Variants in MRPL42 observed in about 807,000 individuals in gnomAD.
The protein encoded by MRPL42 is large ribosomal subunit protein mL42.
In MRPL42, 17 loss-of-function variants were observed where a neutral mutation model predicts 17.9. That is an observed-to-expected ratio of 0.95 (90% CI 0.65 to 1.42). The LOEUF is 1.42. Ranked by LOEUF, MRPL42 falls within the 40% of genes most tolerant of loss-of-function variation. The pLI, the probability that MRPL42 is intolerant of heterozygous loss-of-function variation, is 0.00. For missense variants in MRPL42, 177 were observed against 175.2 expected (o/e 1.01, Z -0.06); for synonymous variants, 59 against 54.4 (o/e 1.08, Z -0.37).
Position 93,504,426 on chromosome 12 carries a change from G to A in MRPL42, c.*3205G>A, listed in dbSNP as rs1045509551. 4.6e-5 allele frequency: 7 copies of A among 152,736 alleles called. No individual in the cohort carries two copies. In the Admixed American group the frequency reaches 4.6e-4, roughly 10 times the overall value. The allele number at this position is 152,736 out of a possible 1,614,324, so 9.5% of individuals were successfully genotyped here. A position where few individuals can be genotyped will look rare whatever the true frequency, so the allele number is the denominator to read the frequency against. ...AAGTGCTGGGTGGGATTATAGGTGT[G>A]AGCCTCCATGCCTGGCCTAAACTGC... On this transcript the variant is annotated 3_prime_UTR_variant, in exon 6 of 6. Coordinates refer to ENST00000549982, the MANE Select transcript of MRPL42 (RefSeq NM_014050.4).
At position 93,515,287 on chromosome 12, in the gene MRPL42, G is replaced by A. The variant is rs1359091790; in HGVS notation, c.*14066G>A. 1.3e-5 allele frequency: 2 copies of A among 152,090 alleles called. No individual in the cohort carries two copies. Among genetic ancestry groups the A allele is most frequent in the African/African-American group, 4.8e-5 (2 of 41,402 alleles). 9.4% of individuals were successfully genotyped at this position (152,090 alleles called of 1,614,324 possible). A position where few individuals can be genotyped will look rare whatever the true frequency, so the allele number is the denominator to read the frequency against. ...GTCATTCAGCTGACAAATGATAATG[G>A]CCTGGATTAAGGAAGGAGAAGAGGG... On this transcript the variant is annotated 3_prime_UTR_variant, in exon 6 of 6. Transcript: ENST00000549982.
chr12:93,492,016 C>T, intron 5 of MRPL42, among the ~76,000 whole-genome samples: 1 of 152,162 alleles, frequency 6.6e-6, no homozygotes, highest in East Asian at 1.9e-4. Flanking sequence ...ATCCAGTTCA[C>T]CATTGACAGG....
chr12:93,500,962 C>G, intron 5 of MRPL42: 1 of 428,246 alleles, frequency 2.3e-6, no homozygotes, highest in Non-Finnish European at 4.2e-6. Flanking sequence ...AAGCAAGACC[C>G]AGTCTCTAGA....
In MRPL42 at chr12:93,500,832, G is replaced by A. The variant is rs187491280; in HGVS notation, c.384-344G>A. 550 of 171,152 alleles carry A rather than the reference G, an allele frequency of 3.2e-3. 9 individuals carry two copies. The highest frequency in any genetic ancestry group is 0.025 in the Admixed American group (387 of 15,722). 10.6% of individuals were successfully genotyped at this position (171,152 alleles called of 1,614,324 possible). ...ACAACTTAGCCACGTGTGGTGGTGTGCCTGTAGTCCCAGCTACTAGGCAGG... is the reference window on the plus strand; with the variant it reads ...ACAACTTAGCCACGTGTGGTGGTGTACCTGTAGTCCCAGCTACTAGGCAGG... On this transcript the variant is annotated intron_variant, in intron 5 of 5. Coordinates refer to ENST00000549982, the MANE Select transcript of MRPL42 (RefSeq NM_014050.4).
chr12:93,482,322 T>C (rs1039658724), intron 4 of MRPL42, among the ~76,000 whole-genome samples: 3 of 152,226 alleles, frequency 2.0e-5, no homozygotes, highest in African/African-American at 7.2e-5. Flanking sequence ...TCCTTTGATT[T>C]ACTTTTCTCA....
At chr12:93,475,864 C>T (rs1021629956) in intron 2 of MRPL42, among the ~76,000 whole-genome samples, 1 of 151,798 alleles carries the variant, frequency 6.6e-6, no homozygotes, top group African/African-American at 2.4e-5. Flanking sequence ...GCCTGTAGTC[C>T]CAGCTACTTG....
At chr12:93,483,935 C>CT (rs1434795976) in intron 4 of MRPL42, among the ~76,000 whole-genome samples, 3 of 151,844 alleles carry the variant, frequency 2.0e-5, no homozygotes, top group African/African-American at 7.3e-5. Context: ...ACTTTTTAAA[C>CT]TTTTTTTGTG....
chr12:93,484,271 T>C (rs1565813444), intron 4 of MRPL42, among the ~76,000 whole-genome samples: 1 of 152,126 alleles, frequency 6.6e-6, no homozygotes, highest in Non-Finnish European at 1.5e-5. Flanking sequence ...TGAGACGGGG[T>C]CTCACTACAT....
chr12:93,468,305 A>G (rs866947154), intron 1 of MRPL42, among the ~76,000 whole-genome samples: 2 of 109,696 alleles, frequency 1.8e-5, no homozygotes, highest in African/African-American at 3.3e-5. Flanking sequence ...TTTTATCACT[A>G]TTGGGGGGAA....
rs753057387 is a variant in MRPL42, at chr12:93,487,462, CA to C, written c.220-34del. ...AAACAAATGCTGGCTAACATTCCCACATCTTCATGATGTTTGTTACTGATTA... is the reference window on the plus strand; with the variant it reads ...AAACAAATGCTGGCTAACATTCCCACTCTTCATGATGTTTGTTACTGATTA... On this transcript the variant is annotated intron_variant, in intron 4 of 5. Coordinates refer to ENST00000549982, the MANE Select transcript of MRPL42 (RefSeq NM_014050.4). The C allele has an allele frequency of 3.5e-5, 55 of 1,569,710 alleles. No individual in the cohort carries two copies. In the African/African-American group the frequency reaches 7.5e-4, roughly 21 times the overall value.
intron 2 of MRPL42, among the ~76,000 whole-genome samples, chr12:93,472,254 C>A (rs796080598): frequency 1.3e-4 from 20 of 152,070 alleles, no homozygotes; most frequent in African/African-American, 4.8e-4. Context: ...TTCTTATATC[C>A]GAAAAGTCCC....
chr12:93,476,395 T>G (rs1187024107), intron 2 of MRPL42, among the ~76,000 whole-genome samples: 1 of 152,112 alleles, frequency 6.6e-6, no homozygotes, highest in Non-Finnish European at 1.5e-5. Context: ...CTCGAACTCC[T>G]TGACCTCAGG....
intron 3 of MRPL42, 126 bp downstream of exon 3, chr12:93,477,143 A>C: frequency 1.4e-6 from 1 of 699,904 alleles, no homozygotes. Context: ...TTTGTTTTTA[A>C]AAATTATTTT....
rs1202396573 is a variant in MRPL42, at chr12:93,515,716, G to C, written c.*14495G>C. ...GGCAGAGAGTGATTAATGAAAAAGC[G>C]GGGAGAAAAGCTGCTCTTGACATCT... is the stretch of plus-strand genomic sequence containing the variant. On this transcript the variant is annotated 3_prime_UTR_variant, in exon 6 of 6. Coordinates refer to ENST00000549982, the MANE Select transcript of MRPL42 (RefSeq NM_014050.4). 6.6e-6 allele frequency: 1 copy of C among 152,180 alleles called. No homozygotes were observed. Among genetic ancestry groups the C allele is most frequent in the African/African-American group, 2.4e-5 (1 of 41,426 alleles). 9.4% of individuals were successfully genotyped at this position (152,180 alleles called of 1,614,324 possible).
In MRPL42 at chr12:93,513,310, C is replaced by G. The variant is rs764261156; in HGVS notation, c.*12089C>G. On this transcript the variant is annotated 3_prime_UTR_variant, in exon 6 of 6. Transcript: ENST00000549982. ...TTCTGGGCTCAAGCAATCCTCTCACCTCAGCCTGCAGCTGGAGCTTCAGGT... is the reference window on the plus strand; with the variant it reads ...TTCTGGGCTCAAGCAATCCTCTCACGTCAGCCTGCAGCTGGAGCTTCAGGT... 1.3e-5 allele frequency: 2 copies of G among 149,936 alleles called. No individual in the cohort carries two copies. The highest frequency in any genetic ancestry group is 2.5e-5 in the African/African-American group (1 of 40,738). The allele number at this position is 149,936 out of a possible 1,614,324, so 9.3% of individuals were successfully genotyped here. A position where few individuals can be genotyped will look rare whatever the true frequency, so the allele number is the denominator to read the frequency against.
chr12:93,486,197 T>A (rs781774724), intron 4 of MRPL42, among the ~76,000 whole-genome samples: 1 of 152,122 alleles, frequency 6.6e-6, no homozygotes, highest in Non-Finnish European at 1.5e-5. Context: ...ATCATTCATG[T>A]GTGTTGAGGA....
intron 4 of MRPL42, among the ~76,000 whole-genome samples, chr12:93,485,686 G>T (rs1260299271): frequency 6.6e-6 from 1 of 152,100 alleles, no homozygotes; most frequent in Non-Finnish European, 1.5e-5. Context: ...TATTGAATAT[G>T]TTACTTTCAT....
chr12:93,473,717 C>A (rs1033676655), intron 2 of MRPL42, among the ~76,000 whole-genome samples: 7 of 152,126 alleles, frequency 4.6e-5, no homozygotes, highest in Admixed American at 4.6e-4. Context: ...AGACGTGAGC[C>A]ACTACGCTTG....
At chr12:93,500,574 T>C (rs1953571231) in intron 5 of MRPL42, among the ~76,000 whole-genome samples, 1 of 152,212 alleles carries the variant, frequency 6.6e-6, no homozygotes, top group Non-Finnish European at 1.5e-5. Context: ...GACCTCCATT[T>C]AGAGGACAAT....
Sources: allele counts gnomAD v4.1 joint callset (sites outside exome capture counted in the v4.1 genomes callset), GRCh38; gene constraint gnomAD v4.1.1; transcripts MANE v1.5; gene names NCBI Gene and HGNC (gene_info 2026-07-23, HGNC 2026-07-21).